Variants in BTBD9 observed in about 807,000 individuals in gnomAD.
The protein encoded by BTBD9 is BTB domain containing 9.
BTBD9 carries 49 observed loss-of-function variants against 64.3 expected under a neutral mutation model. That is an observed-to-expected ratio of 0.76 (90% confidence interval 0.61 to 0.97). BTBD9 has a LOEUF of 0.97. Ranked by LOEUF, BTBD9 falls within the 50% of genes least tolerant of loss-of-function variation. BTBD9 has a pLI of 0.00. For synonymous variants in BTBD9, 260 were observed against 274.7 expected, an observed-to-expected ratio of 0.95 and a Z score of 0.53; for missense variants, 598 against 762.1, an observed-to-expected ratio of 0.78 and a Z score of 2.53.
chr6:38,429,674 T>G (rs1768351635), intron 6 of BTBD9, among the ~76,000 whole-genome samples: 1 of 151,864 alleles, frequency 6.6e-6, no homozygotes, highest in Non-Finnish European at 1.5e-5. Flanking sequence ...AAAATCTATT[T>G]CGGAATGACT....
intron 9 of BTBD9, among the ~76,000 whole-genome samples, chr6:38,198,069 G>A (rs1469656266): frequency 3.3e-5 from 5 of 151,988 alleles, no homozygotes; most frequent in Non-Finnish European, 5.9e-5. Flanking sequence ...TATTAAATAG[G>A]GTCAATTCTG....
chr6:38,472,232 C>G (rs1770681544), intron 6 of BTBD9, among the ~76,000 whole-genome samples: 4 of 152,114 alleles, frequency 2.6e-5, no homozygotes, highest in Non-Finnish European at 2.9e-5. Context: ...TGTTTACATA[C>G]AGTGCAAATA....
intron 6 of BTBD9, among the ~76,000 whole-genome samples, chr6:38,378,270 G>A (rs1325461306): frequency 1.4e-5 from 2 of 147,690 alleles, no homozygotes; most frequent in African/African-American, 5.0e-5. Context: ...TTGAGATGGA[G>A]TCTTGCTGTG....
chr6:38,460,010 A>G (rs1436185237), intron 6 of BTBD9, among the ~76,000 whole-genome samples: 2 of 152,214 alleles, frequency 1.3e-5, no homozygotes, highest in Non-Finnish European at 2.9e-5. Context: ...AAGCTAGCTT[A>G]TGATATAAAT....
chr6:38,591,150 G>C (rs544941246), intron 4 of BTBD9, among the ~76,000 whole-genome samples: 1 of 152,256 alleles, frequency 6.6e-6, no homozygotes, highest in East Asian at 1.9e-4. Context: ...GCATGTAAGG[G>C]AGATTCCAAT....
chr6:38,479,309 A>G (rs543786370), intron 6 of BTBD9, among the ~76,000 whole-genome samples: 1 of 152,286 alleles, frequency 6.6e-6, no homozygotes, highest in East Asian at 1.9e-4. Context: ...TTAAGCGAGC[A>G]CTGACCTTCC....
chr6:38,580,188 G>A, intron 5 of BTBD9, 30 bp downstream of exon 5: 1 of 1,593,386 alleles, frequency 6.3e-7, no homozygotes, highest in East Asian at 2.2e-5. Flanking sequence ...CAAACATAAT[G>A]TCAGTTTCTA....
At chr6:38,229,858 C>G (rs1164859499) in intron 9 of BTBD9, among the ~76,000 whole-genome samples, 6 of 152,154 alleles carry the variant, frequency 3.9e-5, no homozygotes. Context: ...TGTCATTTAT[C>G]ACATTAGTCA....
At chr6:38,623,203 C>T (rs1027016571) in intron 1 of BTBD9, among the ~76,000 whole-genome samples, 15 of 152,192 alleles carry the variant, frequency 9.9e-5, no homozygotes, top group African/African-American at 3.6e-4. Flanking sequence ...TCTGCCTCCC[C>T]ACCAACTGGA....
intron 8 of BTBD9, among the ~76,000 whole-genome samples, chr6:38,264,179 C>T (rs931498238): frequency 6.6e-6 from 1 of 152,126 alleles, no homozygotes; most frequent in African/African-American, 2.4e-5. Context: ...AAAGATGGAA[C>T]AATCAGTGTA....
intron 6 of BTBD9, among the ~76,000 whole-genome samples, chr6:38,373,139 G>A (rs1348884477): frequency 2.0e-5 from 3 of 152,132 alleles, no homozygotes; most frequent in Non-Finnish European, 4.4e-5. Context: ...GATCAAAAGA[G>A]TAAAATGTGT....
intron 6 of BTBD9, among the ~76,000 whole-genome samples, chr6:38,521,123 GA>G (rs1301665386): frequency 1.4e-5 from 2 of 142,720 alleles, no homozygotes; most frequent in Non-Finnish European, 3.0e-5. Context: ...CACAAAAACT[GA>G]AAATAATTAA....
chr6:38,617,654 A>AT (rs1325626552), intron 1 of BTBD9, among the ~76,000 whole-genome samples: 3 of 152,148 alleles, frequency 2.0e-5, no homozygotes, highest in African/African-American at 7.2e-5. Flanking sequence ...AGCCTCAGAA[A>AT]TTACAGACTC....
chr6:38,244,006 C>A (rs1764099250), intron 9 of BTBD9, among the ~76,000 whole-genome samples: 1 of 152,054 alleles, frequency 6.6e-6, no homozygotes, highest in Non-Finnish European at 1.5e-5. Context: ...AGGCTGGCTG[C>A]TGACTTCTGA....
intron 7 of BTBD9, among the ~76,000 whole-genome samples, chr6:38,318,677 G>A (rs977839241): frequency 5.3e-5 from 8 of 152,128 alleles, no homozygotes; most frequent in Middle Eastern, 3.2e-3. Flanking sequence ...CACAAACACC[G>A]CTGTGGCCAC....
intron 6 of BTBD9, among the ~76,000 whole-genome samples, chr6:38,557,465 G>A (rs775202131): frequency 9.9e-5 from 15 of 152,200 alleles, no homozygotes; most frequent in Non-Finnish European, 2.1e-4. Context: ...CTAAGCCTCA[G>A]TTTCCTCATT....
At chr6:38,536,658 C>A (rs889898803) in intron 6 of BTBD9, among the ~76,000 whole-genome samples, 1 of 152,084 alleles carries the variant, frequency 6.6e-6, no homozygotes, top group Non-Finnish European at 1.5e-5. Context: ...AGAATAAGAT[C>A]CTATCATTTG....
intron 8 of BTBD9, among the ~76,000 whole-genome samples, chr6:38,277,703 C>T (rs185018808): frequency 1.6e-3 from 237 of 152,196 alleles, no homozygotes; most frequent in African/African-American, 5.5e-3. Flanking sequence ...TTAGATACAT[C>T]CAGAAGCTGT....
intron 6 of BTBD9, among the ~76,000 whole-genome samples, chr6:38,472,728 C>T (rs1770705406): frequency 6.6e-6 from 1 of 152,122 alleles, no homozygotes; most frequent in Non-Finnish European, 1.5e-5. Context: ...TACGCTAGGC[C>T]TGCAATGTGA....
Sources: allele counts gnomAD v4.1 joint callset (sites outside exome capture counted in the v4.1 genomes callset), GRCh38; gene constraint gnomAD v4.1.1; transcripts MANE v1.5; gene names NCBI Gene and HGNC (gene_info 2026-07-23, HGNC 2026-07-21).